The following RBFOX1 variants were observed in gnomAD, a reference collection of about 807,000 sequenced individuals.
RBFOX1 encodes RNA binding protein fox-1 homolog 1.
A neutral mutation model predicts 57.7 loss-of-function variants in RBFOX1; 8 were observed. The ratio of observed to expected loss-of-function variants is 0.14; its 90% CI spans 0.08 to 0.25. The LOEUF (loss-of-function observed/expected upper bound fraction) is 0.25, where lower values mean the gene tolerates loss of function less well. Among genes scored for constraint, RBFOX1 ranks in the 10% least tolerant of loss-of-function variants. The pLI, the probability that RBFOX1 is intolerant of heterozygous loss-of-function variation, is 1.00. For missense variants in RBFOX1, 611 were observed against 548.5 expected, an observed-to-expected ratio of 1.11 and a Z score of -1.14; for synonymous variants, 326 against 222.4, an observed-to-expected ratio of 1.47 and a Z score of -4.15.
intron 3 of RBFOX1, among the ~76,000 whole-genome samples, chr16:5,832,464 A>G (rs2056309781): frequency 6.6e-6 from 1 of 152,206 alleles, no homozygotes; most frequent in African/African-American, 2.4e-5. Flanking sequence ...ACAACATACA[A>G]TGGAAATTGA....
chr16:5,549,889 T>C (rs1272881641), intron 2 of RBFOX1, among the ~76,000 whole-genome samples: 2 of 152,148 alleles, frequency 1.3e-5, no homozygotes, highest in African/African-American at 4.8e-5. Context: ...CAGGTGTGGA[T>C]GAGTGTGGCT....
At chr16:6,459,128 G>A (rs1020617467) in intron 2 of RBFOX1, among the ~76,000 whole-genome samples, 1 of 152,214 alleles carries the variant, frequency 6.6e-6, no homozygotes. Flanking sequence ...GAGGTCAGCA[G>A]ATCGAGACCA....
chr16:6,997,760 C>G (rs773658097), intron 3 of RBFOX1, among the ~76,000 whole-genome samples: 2 of 152,106 alleles, frequency 1.3e-5, no homozygotes, highest in Non-Finnish European at 2.9e-5. Flanking sequence ...TTGTTGTTCT[C>G]ACAACTACAG....
At chr16:7,111,026 T>C (rs957637929) in intron 4 of RBFOX1, among the ~76,000 whole-genome samples, 1 of 152,168 alleles carries the variant, frequency 6.6e-6, no homozygotes, top group East Asian at 1.9e-4. Context: ...TAGAAGGGCA[T>C]GGCACACACA....
At chr16:7,383,469 C>T (rs1406099989) in intron 4 of RBFOX1, among the ~76,000 whole-genome samples, 1 of 152,066 alleles carries the variant, frequency 6.6e-6, no homozygotes, top group Non-Finnish European at 1.5e-5. Flanking sequence ...GAGTTTTAGG[C>T]TAGCCAGGGC....
At chr16:6,524,244 T>G (rs185999046) in intron 2 of RBFOX1, among the ~76,000 whole-genome samples, 45 of 152,330 alleles carry the variant, frequency 3.0e-4, no homozygotes, top group African/African-American at 1.1e-3. Context: ...GAATATGCAC[T>G]GTGTGACTTT....
chr16:7,132,305 G>T (rs1221041858), intron 4 of RBFOX1, among the ~76,000 whole-genome samples: 1 of 151,902 alleles, frequency 6.6e-6, no homozygotes, highest in African/African-American at 2.4e-5. Flanking sequence ...TCATTGCAAT[G>T]TTCTTTATCT....
chr16:7,183,506 T>C (rs1046200888), intron 4 of RBFOX1, among the ~76,000 whole-genome samples: 2 of 152,246 alleles, frequency 1.3e-5, no homozygotes, highest in African/African-American at 2.4e-5. Context: ...CTATAAGAGA[T>C]GCTTTATCTA....
intron 4 of RBFOX1, among the ~76,000 whole-genome samples, chr16:7,103,206 A>G (rs1333337091): frequency 2.0e-5 from 3 of 152,262 alleles, no homozygotes; most frequent in African/African-American, 4.8e-5. Context: ...TAAAGAGGGG[A>G]TAAAAAACCA....
chr16:6,809,486 T>A (rs2087857125), intron 3 of RBFOX1, among the ~76,000 whole-genome samples: 1 of 152,168 alleles, frequency 6.6e-6, no homozygotes, highest in Non-Finnish European at 1.5e-5. Flanking sequence ...ATCTTCCTCA[T>A]CTACATTGAA....
At chr16:5,310,039 A>G (rs1422713309) in intron 1 of RBFOX1, among the ~76,000 whole-genome samples, 1 of 152,058 alleles carries the variant, frequency 6.6e-6, no homozygotes, top group South Asian at 2.1e-4. Context: ...CACTTTTCCT[A>G]TTTTTCTCTT....
At chr16:7,326,459 G>C in intron 4 of RBFOX1, among the ~76,000 whole-genome samples, 1 of 152,122 alleles carries the variant, frequency 6.6e-6, no homozygotes, top group African/African-American at 2.4e-5. Flanking sequence ...TGGGGTGTTG[G>C]TGGGGCACTG....
intron 3 of RBFOX1, among the ~76,000 whole-genome samples, chr16:5,686,979 G>C (rs1374155060): frequency 3.9e-5 from 6 of 152,158 alleles, no homozygotes; most frequent in Non-Finnish European, 8.8e-5. Context: ...GGATATCAAA[G>C]TCATTGCATT....
intron 1 of RBFOX1, among the ~76,000 whole-genome samples, chr16:6,216,123 C>T (rs761049491): frequency 6.6e-6 from 1 of 151,968 alleles, no homozygotes; most frequent in African/African-American, 2.4e-5. Context: ...ACACCGGGGC[C>T]TTTTGGAGGG....
At chr16:7,218,518 A>G (rs550694113) in intron 4 of RBFOX1, among the ~76,000 whole-genome samples, 2 of 151,990 alleles carry the variant, frequency 1.3e-5, no homozygotes, top group African/African-American at 2.4e-5. Context: ...ACTAGGTGTC[A>G]CTCTTTTACC....
intron 1 of RBFOX1, among the ~76,000 whole-genome samples, chr16:6,149,347 C>T (rs922735806): frequency 6.6e-6 from 1 of 152,234 alleles, no homozygotes; most frequent in African/African-American, 2.4e-5. Flanking sequence ...CTTAATCTTG[C>T]CTCCTATGTA....
intron 2 of RBFOX1, among the ~76,000 whole-genome samples, chr16:5,504,353 G>A (rs1259041976): frequency 3.3e-5 from 5 of 152,226 alleles, no homozygotes; most frequent in South Asian, 2.1e-4. Flanking sequence ...GCTCTGCAAC[G>A]CTTGCCCAGC....
intron 4 of RBFOX1, among the ~76,000 whole-genome samples, chr16:7,394,936 C>T (rs1175744143): frequency 6.6e-6 from 1 of 152,176 alleles, no homozygotes; most frequent in African/African-American, 2.4e-5. Context: ...GGCTGTTATG[C>T]ACGCATGTGA....
At chr16:5,500,586 G>T (rs2043159769) in intron 2 of RBFOX1, among the ~76,000 whole-genome samples, 1 of 152,100 alleles carries the variant, frequency 6.6e-6, no homozygotes, top group African/African-American at 2.4e-5. Context: ...TTCTGTCTCT[G>T]CCATCAGCTA....
Sources: gnomAD v4.1 joint callset for allele counts (sites outside exome capture counted in the v4.1 genomes callset) on GRCh38, gnomAD v4.1.1 for gene constraint, MANE v1.5 for transcripts, NCBI Gene and HGNC (gene_info 2026-07-23, HGNC 2026-07-21) for gene names.